Variants in HAAO observed in about 807,000 individuals in gnomAD.
The protein encoded by HAAO is 3-hydroxyanthranilate oxygenase.
Under a neutral mutation model 46.2 loss-of-function variants are expected in HAAO, and 49 were observed. The ratio of observed to expected loss-of-function variants is 1.06; its 90% CI spans 0.84 to 1.34. The LOEUF is 1.34. Ranked by LOEUF, HAAO falls within the 40% of genes most tolerant of loss-of-function variation. The probability of loss-of-function intolerance (pLI) is 0.00; values close to 1 mark genes in which losing one functional copy is unlikely to be tolerated. For missense variants in HAAO, 408 were observed against 364.5 expected (o/e 1.12, Z -0.97); for synonymous variants, 157 against 145.2 (o/e 1.08, Z -0.58).
rs771987975 is a variant in HAAO, at chr2:42,767,440, C to T, written c.858G>A (p.Gly286=). The change falls in exon 10 of 10, where the codon GGG becomes GGA. Residue 286 remains glycine (G), a synonymous_variant. Coordinates refer to ENST00000294973, the MANE Select transcript of HAAO (RefSeq NM_012205.3). The part of the protein sequence containing the change: ...TQDPACKKPL[G] Reference sequence around the variant, plus strand: ...GCTTCAGGCCATGGCAAGAGGGTCACCCCAGGGGCTTCTTGCAGGCAGGGT... The same window carrying T: ...GCTTCAGGCCATGGCAAGAGGGTCATCCCAGGGGCTTCTTGCAGGCAGGGT... The T allele has an allele frequency of 3.7e-6, 6 of 1,610,600 alleles. No individual in the cohort carries two copies. In the Admixed American group the frequency reaches 8.3e-5, roughly 22 times the overall value.
chr2:42,778,919 G>T (rs11124888), intron 4 of HAAO, among the ~76,000 whole-genome samples: 22,330 of 151,920 alleles, frequency 0.15, 2,579 homozygotes, highest in African/African-American at 0.29. Flanking sequence ...TTCGAGACCA[G>T]CTTGACTAAC....
At chr2:42,769,601 G>GTT (rs1414178678) in intron 7 of HAAO, 112 bp downstream of exon 7, 1 of 732,566 alleles carries the variant, frequency 1.4e-6, no homozygotes, top group Non-Finnish European at 2.1e-6. Context: ...GTGTGTGTGT[G>GTT]TGTGAGTGTG....
At chr2:42,783,451 G>T in intron 3 of HAAO, 31 bp from the exon 4 acceptor site, 1 of 1,375,652 alleles carries the variant, frequency 7.3e-7, no homozygotes, top group African/African-American at 1.4e-5. Flanking sequence ...TGCACAGTGA[G>T]GCTGCAATCC....
At chr2:42,792,385 G>C in intron 1 of HAAO, 72 bp downstream of exon 1, 1 of 801,930 alleles carries the variant, frequency 1.2e-6, no homozygotes, top group Non-Finnish European at 2.0e-6. Context: ...CTCGGAGCTG[G>C]AAGGTGAGGG....
intron 5 of HAAO, 25 bp downstream of exon 5, chr2:42,770,468 G>A (rs1402663754): frequency 6.8e-7 from 1 of 1,477,722 alleles, no homozygotes; most frequent in Non-Finnish European, 9.2e-7. Context: ...GAAAGCAAGA[G>A]GCAGGGGCTG....
chr2:42,778,146 T>C (rs1671731176), intron 4 of HAAO, among the ~76,000 whole-genome samples: 2 of 152,146 alleles, frequency 1.3e-5, no homozygotes, highest in African/African-American at 4.8e-5. Context: ...ACCCAAAAAC[T>C]TTTATATGAT....
At chr2:42,770,264 C>G in intron 5 of HAAO, 78 bp from the exon 6 acceptor site, 22 of 1,256,508 alleles carry the variant, frequency 1.8e-5, no homozygotes, top group Non-Finnish European at 2.4e-5. Context: ...ATACACCACA[C>G]TCACGGTCAG....
At chr2:42,778,622 C>T (rs1410141241) in intron 4 of HAAO, among the ~76,000 whole-genome samples, 1 of 152,134 alleles carries the variant, frequency 6.6e-6, no homozygotes, top group Non-Finnish European at 1.5e-5. Flanking sequence ...GTCACTGTGC[C>T]TGACCAAGTC....
intron 6 of HAAO, 136 bp downstream of exon 6, chr2:42,770,007 T>C (rs1424824666): frequency 2.7e-6 from 3 of 1,106,656 alleles, no homozygotes; most frequent in Admixed American, 4.3e-5. Flanking sequence ...GGAGGTACCA[T>C]TGGCTGCCAT....
intron 1 of HAAO, among the ~76,000 whole-genome samples, chr2:42,791,631 G>C (rs891717968): frequency 5.9e-5 from 9 of 152,192 alleles, no homozygotes; most frequent in African/African-American, 1.9e-4. Context: ...GCTACTGTGA[G>C]AATGAGATGA....
intron 2 of HAAO, 93 bp downstream of exon 2, chr2:42,788,436 T>G (rs1275877293): frequency 3.6e-6 from 3 of 823,212 alleles, no homozygotes; most frequent in South Asian, 2.7e-5. Context: ...CTCCAGTCCA[T>G]CATCTCTGGG....
At chr2:42,786,029 G>GTGTGTGTGTGTGTGTT (rs2104667296) in intron 2 of HAAO, among the ~76,000 whole-genome samples, 1 of 99,646 alleles carries the variant, frequency 1.0e-5, no homozygotes, top group South Asian at 3.7e-4. Flanking sequence ...GTGTGTGTGT[G>GTGTGTGTGTGTGTGTT]TGTGTGTGTG....
Position 42,767,442 on chromosome 2 carries a change from C to T in HAAO, c.856G>A (p.Gly286Arg), listed in dbSNP as rs1365484168. 2.5e-6 allele frequency: 4 copies of T among 1,611,412 alleles called. No homozygotes were observed. The South Asian group carries it at 3.3e-5, about 13-fold the overall frequency. Residue 286 changes from glycine to arginine, a missense_variant, in exon 10 of 10, where the codon GGG (glycine) becomes AGG (arginine). Gly to Arg is a moderately radical substitution (Grantham distance 125). Transcript: ENST00000294973. ...TTCAGGCCATGGCAAGAGGGTCACCCCAGGGGCTTCTTGCAGGCAGGGTCC... is the reference window on the plus strand; with the variant it reads ...TTCAGGCCATGGCAAGAGGGTCACCTCAGGGGCTTCTTGCAGGCAGGGTCC... The part of the protein sequence containing the change: ...TQDPACKKPL[G>R]
At chr2:42,773,842 GGCCTCCCGAAGT>G (rs1671338611) in intron 4 of HAAO, among the ~76,000 whole-genome samples, 1 of 152,066 alleles carries the variant, frequency 6.6e-6, no homozygotes, top group African/African-American at 2.4e-5. Flanking sequence ...CACCCGCCTC[GGCCTCCCGAAGT>G]GCTGGGATTA....
chr2:42,788,759 C>A, intron 1 of HAAO, 152 bp from the exon 2 acceptor site: 1 of 658,362 alleles, frequency 1.5e-6, no homozygotes, highest in African/African-American at 1.8e-5. Context: ...AACTCTCATC[C>A]CCGGTTCATG....
At chr2:42,780,725 T>C (rs933588536) in intron 4 of HAAO, among the ~76,000 whole-genome samples, 1 of 152,012 alleles carries the variant, frequency 6.6e-6, no homozygotes, top group Non-Finnish European at 1.5e-5. Context: ...TTGTTTTTTT[T>C]CAGAGTCAAG....
chr2:42,782,889 A>C (rs1387366276), intron 4 of HAAO: 13 of 461,458 alleles, frequency 2.8e-5, no homozygotes, highest in South Asian at 2.0e-4. Context: ...GTCTCCCTAA[A>C]ATGTATAAAG....
rs752419736 is a variant in HAAO at position 42,783,835 on chromosome 2, GA to G, written c.191del (p.Leu64ProfsTer50). The stretch of plus-strand genomic sequence containing the variant: ...GGTGTTTCCCTTGCTCCAGGACTCG[GA>G]GAACCATGTCTCCCTCCAGCTGGTA... ...VFYQLEGDMV[L>X]RVLEQGKHRD... is the part of the protein sequence containing the mutation. On this transcript the variant is annotated frameshift_variant, in exon 3 of 10. Transcript: ENST00000294973. LOFTEE classifies it high-confidence loss of function. 6.2e-7 allele frequency: 1 copy of G among 1,612,682 alleles called. No individual in the cohort carries two copies. Among genetic ancestry groups the G allele is most frequent in the South Asian group, 1.1e-5 (1 of 90,628 alleles).
chr2:42,792,545 C>G lies in HAAO; in HGVS notation c.-9G>C. ...CCCAGGCGGCGCTCCATGACTGTCC[C>G]GGGCGCCTCCTCGCAGCGCTGTCCT... is the stretch of plus-strand genomic sequence containing the variant. On this transcript the variant is annotated 5_prime_UTR_variant, in exon 1 of 10. Transcript: ENST00000294973. The G allele has an allele frequency of 6.5e-7, 1 of 1,549,800 alleles. No homozygotes were observed. Among genetic ancestry groups the G allele is most frequent in the Non-Finnish European group, 8.7e-7 (1 of 1,150,680 alleles).
Sources: allele counts gnomAD v4.1 joint callset (sites outside exome capture counted in the v4.1 genomes callset), GRCh38; gene constraint gnomAD v4.1.1; transcripts MANE v1.5; gene names NCBI Gene and HGNC (gene_info 2026-07-23, HGNC 2026-07-21).